Variants in ADAM12 observed in about 807,000 individuals in gnomAD.
The protein encoded by ADAM12 is disintegrin and metalloproteinase domain-containing protein 12.
Under a neutral mutation model 106.4 loss-of-function variants are expected in ADAM12, and 70 were observed. The observed-to-expected ratio is 0.66, with a 90% CI of 0.54 to 0.80. The LOEUF (loss-of-function observed/expected upper bound fraction) is 0.80, where lower values mean the gene tolerates loss of function less well. ADAM12 is among the 30% of genes least tolerant of loss of function. The pLI is 0.00. For synonymous variants in ADAM12, 420 were observed against 433.5 expected (o/e 0.97, Z 0.39); for missense variants, 1,010 against 1,171.9 (o/e 0.86, Z 2.02).
intron 1 of ADAM12, among the ~76,000 whole-genome samples, chr10:126,377,855 T>C (rs1022437158): frequency 2.0e-5 from 3 of 152,158 alleles, no homozygotes; most frequent in Non-Finnish European, 4.4e-5. Flanking sequence ...GAAACAGACA[T>C]GGATCTCATA....
intron 3 of ADAM12, among the ~76,000 whole-genome samples, chr10:126,175,477 AAC>A (rs10610747): frequency 0.4 from 60,209 of 152,016 alleles, 12,151 homozygotes; most frequent in Middle Eastern, 0.48. Flanking sequence ...ATGTTTCTAA[AAC>A]AGTCAGTGGT....
At chr10:126,032,502 TA>T (rs1590309718) in intron 21 of ADAM12, among the ~76,000 whole-genome samples, 4 of 152,182 alleles carry the variant, frequency 2.6e-5, no homozygotes, top group Non-Finnish European at 4.4e-5. Context: ...GGGCCTGCTT[TA>T]AAGGAAATCT....
chr10:126,168,333 A>C lies in ADAM12; in HGVS notation c.261-13028T>G, dbSNP rs189237004. On this transcript the variant is annotated intron_variant, in intron 3 of 22. Transcript: ENST00000448723. ...TAGCAACAGTGGAAGAACAAATCTC[A>C]TTCTGCCATTTTCTTCTTTTATGAC... is the stretch of plus-strand genomic sequence containing the variant. 3.9e-3 allele frequency among the ~76,000 whole-genome samples: 601 copies of C among 152,306 alleles called. 3 individuals are homozygous for C. The highest frequency in any genetic ancestry group is 5.0e-3 in the Non-Finnish European group (338 of 68,022).
At chr10:126,272,844 C>A in intron 3 of ADAM12, 1 of 418,636 alleles carries the variant, frequency 2.4e-6, no homozygotes, top group South Asian at 2.0e-5. Context: ...AGTGGATCTA[C>A]AATGGCTTCT....
chr10:126,051,982 C>G (rs1352375266), intron 14 of ADAM12, among the ~76,000 whole-genome samples: 1 of 152,188 alleles, frequency 6.6e-6, no homozygotes, highest in Non-Finnish European at 1.5e-5. Context: ...ACCATTTAAT[C>G]CTACAAGGTA....
At chr10:126,259,231 C>T (rs1958952368) in intron 3 of ADAM12, among the ~76,000 whole-genome samples, 1 of 152,098 alleles carries the variant, frequency 6.6e-6, no homozygotes, top group African/African-American at 2.4e-5. Context: ...CTGGGATTAT[C>T]AGATTCCCAG....
intron 5 of ADAM12, among the ~76,000 whole-genome samples, chr10:126,125,245 TTTTC>T (rs1037094135): frequency 1.1e-4 from 12 of 106,258 alleles, no homozygotes; most frequent in East Asian, 3.0e-4. Flanking sequence ...TTTTCTTTTC[TTTTC>T]TTTTTTTTTT....
chr10:126,139,587 G>C (rs947504277), intron 4 of ADAM12, among the ~76,000 whole-genome samples: 6 of 152,044 alleles, frequency 3.9e-5, no homozygotes, highest in African/African-American at 1.5e-4. Flanking sequence ...GGTATGCAGG[G>C]GCCATGGCAG....
intron 3 of ADAM12, among the ~76,000 whole-genome samples, chr10:126,193,635 G>A (rs987826039): frequency 2.0e-5 from 3 of 152,138 alleles, no homozygotes; most frequent in Admixed American, 6.5e-5. Context: ...GGTGGCTCAC[G>A]CCTGTAATCC....
intron 4 of ADAM12, among the ~76,000 whole-genome samples, chr10:126,140,492 A>G (rs188465850): frequency 2.2e-4 from 33 of 152,276 alleles, no homozygotes; most frequent in Admixed American, 1.7e-3. Flanking sequence ...CAGCTCTCAT[A>G]AACTGTTGCT....
intron 11 of ADAM12, among the ~76,000 whole-genome samples, chr10:126,089,492 C>G (rs569729282): frequency 1.7e-4 from 26 of 152,284 alleles, no homozygotes; most frequent in African/African-American, 6.0e-4. Context: ...TTTGTACAGA[C>G]AGAAAACCCC....
chr10:126,255,784 C>G (rs1041986423), intron 3 of ADAM12, among the ~76,000 whole-genome samples: 1 of 152,174 alleles, frequency 6.6e-6, no homozygotes, highest in African/African-American at 2.4e-5. Flanking sequence ...CTAACTGGCC[C>G]CATTGCAGCT....
chr10:126,077,952 C>A (rs1242505959), intron 11 of ADAM12, among the ~76,000 whole-genome samples: 1 of 152,036 alleles, frequency 6.6e-6, no homozygotes, highest in Non-Finnish European at 1.5e-5. Context: ...TGACTGCCCC[C>A]CAATACAAAA....
intron 3 of ADAM12, among the ~76,000 whole-genome samples, chr10:126,245,267 G>T (rs777076109): frequency 1.3e-5 from 2 of 152,230 alleles, no homozygotes; most frequent in Non-Finnish European, 2.9e-5. Context: ...TAATCCAGGT[G>T]GGACCTGACG....
At chr10:126,106,934 A>G (rs945826972) in intron 8 of ADAM12, among the ~76,000 whole-genome samples, 1 of 152,200 alleles carries the variant, frequency 6.6e-6, no homozygotes, top group Admixed American at 6.5e-5. Flanking sequence ...TATTCACTGC[A>G]GAATAACATC....
chr10:126,185,796 A>G (rs1034866739), intron 3 of ADAM12, among the ~76,000 whole-genome samples: 1 of 152,154 alleles, frequency 6.6e-6, no homozygotes, highest in African/African-American at 2.4e-5. Flanking sequence ...TACCATCATC[A>G]TGACTGTCTC....
chr10:126,329,272 G>A (rs1314198582), intron 2 of ADAM12, among the ~76,000 whole-genome samples: 1 of 152,128 alleles, frequency 6.6e-6, no homozygotes, highest in South Asian at 2.1e-4. Context: ...CCCAGGGAAA[G>A]TCTACATAAT....
chr10:126,090,499 G>A (rs533052534), intron 11 of ADAM12, among the ~76,000 whole-genome samples: 3 of 152,060 alleles, frequency 2.0e-5, no homozygotes, highest in Admixed American at 6.5e-5. Flanking sequence ...TAAGACCAAG[G>A]GCTCCAAGCT....
intron 3 of ADAM12, among the ~76,000 whole-genome samples, chr10:126,187,209 T>C (rs1957414752): frequency 6.6e-6 from 1 of 152,112 alleles, no homozygotes; most frequent in Non-Finnish European, 1.5e-5. Flanking sequence ...AAAATACAGA[T>C]ACAATACAGG....
Sources: gnomAD v4.1 joint callset for allele counts (sites outside exome capture counted in the v4.1 genomes callset) on GRCh38, gnomAD v4.1.1 for gene constraint, MANE v1.5 for transcripts, NCBI Gene and HGNC (gene_info 2026-07-23, HGNC 2026-07-21) for gene names.